The following ZNF385B variants were observed in gnomAD, a reference collection of about 807,000 sequenced individuals.
The protein encoded by ZNF385B is zinc finger protein 385B.
A neutral mutation model predicts 39.2 loss-of-function variants in ZNF385B; 23 were observed. The observed-to-expected ratio is 0.59, with a 90% CI of 0.42 to 0.83. ZNF385B has a LOEUF of 0.83. ZNF385B is among the 40% of genes least tolerant of loss of function. The probability of loss-of-function intolerance (pLI) is 0.00; values close to 1 mark genes in which losing one functional copy is unlikely to be tolerated. For synonymous variants in ZNF385B, 205 were observed against 222.6 expected, an observed-to-expected ratio of 0.92 and a Z score of 0.70; for missense variants, 552 against 598.9, an observed-to-expected ratio of 0.92 and a Z score of 0.82.
At chr2:179,622,046 C>T (rs1479603204) in intron 3 of ZNF385B, among the ~76,000 whole-genome samples, 2 of 152,118 alleles carry the variant, frequency 1.3e-5, no homozygotes, top group Admixed American at 6.6e-5. Flanking sequence ...TTTTTAGTTA[C>T]AAGTTACAGC....
intron 3 of ZNF385B, among the ~76,000 whole-genome samples, chr2:179,726,004 A>C (rs1458602340): frequency 6.6e-6 from 1 of 151,582 alleles, no homozygotes; most frequent in Non-Finnish European, 1.5e-5. Flanking sequence ...GAAAAGATCT[A>C]CAGTGTTCTT....
intron 1 of ZNF385B, among the ~76,000 whole-genome samples, chr2:179,828,753 T>A (rs2106593272): frequency 6.6e-6 from 1 of 152,316 alleles, no homozygotes; most frequent in Admixed American, 6.5e-5. Flanking sequence ...CAACTGTATT[T>A]CTGAAAATAT....
At chr2:179,665,241 A>G (rs565236475) in intron 3 of ZNF385B, among the ~76,000 whole-genome samples, 1 of 152,248 alleles carries the variant, frequency 6.6e-6, no homozygotes, top group Non-Finnish European at 1.5e-5. Flanking sequence ...GAGGATAATG[A>G]TAATACAATA....
intron 3 of ZNF385B, among the ~76,000 whole-genome samples, chr2:179,620,377 T>C (rs191086745): frequency 6.6e-6 from 1 of 152,314 alleles, no homozygotes; most frequent in South Asian, 2.1e-4. Flanking sequence ...CTGAAAAAGA[T>C]GAACTTTTCT....
chr2:179,680,204 G>A (rs1697392813), intron 3 of ZNF385B, among the ~76,000 whole-genome samples: 1 of 152,062 alleles, frequency 6.6e-6, no homozygotes, highest in Admixed American at 6.5e-5. Flanking sequence ...ATTTTAAAAA[G>A]TGAAACTTCC....
At chr2:179,778,803 A>G (rs1704496403) in intron 1 of ZNF385B, among the ~76,000 whole-genome samples, 1 of 152,182 alleles carries the variant, frequency 6.6e-6, no homozygotes, top group Admixed American at 6.5e-5. Context: ...TTGGAGAAAA[A>G]TCTTCCATAT....
intron 4 of ZNF385B, among the ~76,000 whole-genome samples, chr2:179,524,613 A>C (rs1176248703): frequency 6.7e-6 from 1 of 149,688 alleles, no homozygotes; most frequent in Non-Finnish European, 1.5e-5. Context: ...CATCGAGCAA[A>C]TATTTCTAGA....
intron 9 of ZNF385B, among the ~76,000 whole-genome samples, 177 bp downstream of exon 9, chr2:179,444,699 T>C (rs1224448733): frequency 6.6e-6 from 1 of 152,202 alleles, no homozygotes; most frequent in Non-Finnish European, 1.5e-5. Flanking sequence ...TTCTGTTTTC[T>C]AAGTAAGTTG....
In ZNF385B at chr2:179,778,801, A is replaced by G. The variant is rs374669334; in HGVS notation, c.-154-8129T>C. Among the ~76,000 whole-genome samples, 28 of 152,332 alleles carry G rather than the reference A, an allele frequency of 1.8e-4. 1 individual carries two copies. The South Asian group carries it at 5.4e-3, about 29-fold the overall frequency. On this transcript the variant is annotated intron_variant, in intron 1 of 9. Coordinates refer to ENST00000410066, the MANE Select transcript of ZNF385B (RefSeq NM_152520.6). ...AAACAACATAAAAAAGATTGGAGAA[A>G]AATCTTCCATATTCCTACCAAAGTG...
chr2:179,786,375 C>T (rs982128621), intron 1 of ZNF385B, among the ~76,000 whole-genome samples: 14 of 151,990 alleles, frequency 9.2e-5, no homozygotes, highest in African/African-American at 2.9e-4. Flanking sequence ...TACAAAAATC[C>T]GATTGCTCTG....
At chr2:179,559,166 G>C (rs115301386) in intron 3 of ZNF385B, among the ~76,000 whole-genome samples, 2,842 of 152,248 alleles carry the variant, frequency 0.019, 89 homozygotes, top group African/African-American at 0.064. Context: ...AAATGAAGTA[G>C]AGTAGAGCAA....
At chr2:179,663,253 T>C (rs563622213) in intron 3 of ZNF385B, among the ~76,000 whole-genome samples, 24 of 152,314 alleles carry the variant, frequency 1.6e-4, no homozygotes, top group African/African-American at 5.8e-4. Flanking sequence ...GACACCAGAA[T>C]TGCTTAACTG....
At chr2:179,453,267 A>T (rs181734064) in intron 6 of ZNF385B, among the ~76,000 whole-genome samples, 7 of 152,142 alleles carry the variant, frequency 4.6e-5, no homozygotes, top group South Asian at 2.1e-4. Context: ...TGTGGCCTCA[A>T]TGAAGGACAC....
intron 3 of ZNF385B, among the ~76,000 whole-genome samples, chr2:179,758,853 C>G (rs1703200479): frequency 6.6e-6 from 1 of 152,208 alleles, no homozygotes; most frequent in Admixed American, 6.5e-5. Flanking sequence ...GGCACAAGAA[C>G]CACCTAGCTG....
At chr2:179,811,222 C>T (rs988911804) in intron 1 of ZNF385B, among the ~76,000 whole-genome samples, 1 of 152,020 alleles carries the variant, frequency 6.6e-6, no homozygotes, top group African/African-American at 2.4e-5. Flanking sequence ...GTTAAAATAA[C>T]CATATCACCC....
chr2:179,588,004 G>T (rs13028216), intron 3 of ZNF385B, among the ~76,000 whole-genome samples: 16,617 of 152,164 alleles, frequency 0.11, 1,092 homozygotes, highest in Middle Eastern at 0.19. Context: ...ACATACTGAG[G>T]TGAGGTGAAA....
chr2:179,446,167 T>A (rs2105541365), intron 7 of ZNF385B, among the ~76,000 whole-genome samples: 1 of 152,358 alleles, frequency 6.6e-6, no homozygotes, highest in East Asian at 1.9e-4. Context: ...CTATATTCAG[T>A]ATTTCCCTAC....
chr2:179,742,601 T>G (rs1361981031), intron 3 of ZNF385B, among the ~76,000 whole-genome samples: 3 of 151,932 alleles, frequency 2.0e-5, no homozygotes, highest in Admixed American at 6.6e-5. Context: ...TAATAGGAAG[T>G]AGGAAAAAAA....
chr2:179,515,821 A>G (rs187962207), intron 5 of ZNF385B, among the ~76,000 whole-genome samples: 1 of 152,282 alleles, frequency 6.6e-6, no homozygotes, highest in East Asian at 1.9e-4. Flanking sequence ...ATTCAGCTTA[A>G]TGAATTTTGA....
Sources: allele counts gnomAD v4.1 joint callset (sites outside exome capture counted in the v4.1 genomes callset), GRCh38; gene constraint gnomAD v4.1.1; transcripts MANE v1.5; gene names NCBI Gene and HGNC (gene_info 2026-07-23, HGNC 2026-07-21).